Variants in ANO3 observed in about 807,000 individuals in gnomAD.
ANO3 encodes the protein anoctamin 3, also known as anoctamin-3.
A neutral mutation model predicts 144.8 loss-of-function variants in ANO3; 99 were observed. That is an observed-to-expected ratio of 0.68 (90% CI 0.58 to 0.81). ANO3 has a LOEUF of 0.81. Among genes scored for constraint, ANO3 ranks in the 30% least tolerant of loss-of-function variants. ANO3 has a pLI of 0.00. For missense variants in ANO3, 905 were observed against 1,202.2 expected, an observed-to-expected ratio of 0.75 and a Z score of 3.66; for synonymous variants, 414 against 392.6, an observed-to-expected ratio of 1.05 and a Z score of -0.64.
rs897710587 is a variant in ANO3 at position 26,661,356 on chromosome 11, T to A, written c.*912T>A. On this transcript the variant is annotated 3_prime_UTR_variant, in exon 27 of 27. Coordinates refer to ENST00000256737, the MANE Select transcript of ANO3 (RefSeq NM_031418.4). ...ATTAACTTGAAATGCTGTAAATACG[T>A]TGGTTTTCCTTGTCCCTTTGCACCT... 1.3e-5 allele frequency: 2 copies of A among 152,558 alleles called. No individual in the cohort carries two copies. Among genetic ancestry groups the A allele is most frequent in the Admixed American group, 1.3e-4 (2 of 15,248 alleles). 9.5% of individuals were successfully genotyped at this position (152,558 alleles called of 1,614,324 possible).
chr11:26,481,747 T>A (rs926543766), intron 4 of ANO3, among the ~76,000 whole-genome samples: 2 of 152,186 alleles, frequency 1.3e-5, no homozygotes, highest in African/African-American at 4.8e-5. Context: ...AGAATGTCTA[T>A]AAACAAATTA....
At chr11:26,251,311 A>G (rs779870970) in intron 1 of ANO3, among the ~76,000 whole-genome samples, 2 of 152,196 alleles carry the variant, frequency 1.3e-5, no homozygotes, top group Non-Finnish European at 2.9e-5. Flanking sequence ...CAGACTCTGG[A>G]TCAAAGCTGA....
At chr11:26,568,888 G>A (rs1252775167) in intron 14 of ANO3, among the ~76,000 whole-genome samples, 1 of 152,000 alleles carries the variant, frequency 6.6e-6, no homozygotes, top group African/African-American at 2.4e-5. Context: ...TCTACGGCAT[G>A]TGATCTAATT....
chr11:26,594,600 G>A (rs545142061), intron 14 of ANO3, among the ~76,000 whole-genome samples: 8 of 152,172 alleles, frequency 5.3e-5, no homozygotes, highest in Non-Finnish European at 1.0e-4. Flanking sequence ...GGGCGTAATC[G>A]GGTAATACTG....
In ANO3 at chr11:26,332,231, C is replaced by T. The variant is rs748724359; in HGVS notation, c.-45C>T. 1.2e-6 allele frequency: 2 copies of T among 1,614,076 alleles called. No individual in the cohort carries two copies. Among genetic ancestry groups the T allele is most frequent in the South Asian group, 2.2e-5 (2 of 91,074 alleles). On this transcript the variant is annotated 5_prime_UTR_variant, in exon 1 of 27. Transcript: ENST00000256737. ...AGTCTGGCTACTGTTCCTCCGCCTC[C>T]CTCTCGGGCAGCTCCCTAAGCCGGC... is the stretch of plus-strand genomic sequence containing the variant.
intron 10 of ANO3, 126 bp downstream of exon 10, chr11:26,537,587 C>T (rs1849543730): frequency 1.3e-6 from 1 of 786,488 alleles, no homozygotes; most frequent in South Asian, 1.5e-5. Context: ...AGCCATGGGC[C>T]TTCTGTCTCC....
chr11:26,312,955 G>T (rs929548971), intron 1 of ANO3, among the ~76,000 whole-genome samples: 1 of 152,096 alleles, frequency 6.6e-6, no homozygotes, highest in Non-Finnish European at 1.5e-5. Flanking sequence ...TCCATCATTT[G>T]CTTTGGAAAT....
chr11:26,270,425 C>A (rs1853414794), intron 1 of ANO3, among the ~76,000 whole-genome samples: 1 of 152,198 alleles, frequency 6.6e-6, no homozygotes, highest in South Asian at 2.1e-4. Flanking sequence ...GTGATAAACT[C>A]TTTTCTCCTG....
intron 1 of ANO3, among the ~76,000 whole-genome samples, chr11:26,391,502 A>G (rs1856877933): frequency 6.6e-6 from 1 of 152,130 alleles, no homozygotes; most frequent in Admixed American, 6.6e-5. Flanking sequence ...TGATCCTTTA[A>G]GAGTCAAGGG....
At chr11:26,595,186 T>A (rs997104474) in intron 14 of ANO3, among the ~76,000 whole-genome samples, 2 of 152,186 alleles carry the variant, frequency 1.3e-5, no homozygotes, top group Non-Finnish European at 2.9e-5. Context: ...ATCGGATTAG[T>A]TACACTCACC....
intron 1 of ANO3, among the ~76,000 whole-genome samples, chr11:26,215,536 G>A (rs1020645594): frequency 9.2e-5 from 14 of 151,578 alleles, no homozygotes; most frequent in African/African-American, 2.7e-4. Context: ...TTTCTTCCCC[G>A]ATCCACAATG....
intron 1 of ANO3, among the ~76,000 whole-genome samples, chr11:26,243,850 G>A (rs538954294): frequency 2.7e-4 from 41 of 152,104 alleles, no homozygotes; most frequent in African/African-American, 8.4e-4. Context: ...GGCCAGGTGC[G>A]GTGTCACGCC....
chr11:26,344,107 A>G (rs541594881), intron 1 of ANO3, among the ~76,000 whole-genome samples: 22 of 152,318 alleles, frequency 1.4e-4, no homozygotes, highest in African/African-American at 4.8e-4. Context: ...TTTCTTATAT[A>G]GCAGTAGTAA....
chr11:26,532,977 GA>G (rs1849411807), intron 8 of ANO3, among the ~76,000 whole-genome samples: 2 of 152,156 alleles, frequency 1.3e-5, no homozygotes, highest in African/African-American at 4.8e-5. Flanking sequence ...CTTGTTGAGG[GA>G]ATGCTGAATC....
At chr11:26,555,062 G>A (rs1388393828) in intron 13 of ANO3, among the ~76,000 whole-genome samples, 1 of 152,114 alleles carries the variant, frequency 6.6e-6, no homozygotes. Flanking sequence ...ACATAACTTA[G>A]TAAAGTTAGT....
Position 26,350,086 on chromosome 11 carries a change from A to G in ANO3, c.46+17765A>G, listed in dbSNP as rs536291310. Among the ~76,000 whole-genome samples, 237 of 152,072 alleles carry G rather than the reference A, an allele frequency of 1.6e-3. 2 individuals are homozygous for G. Among genetic ancestry groups the G allele is most frequent in the African/African-American group, 5.5e-3 (230 of 41,514 alleles). ...GGGAGGAGACAGGAACGGAAGGGGG[A>G]GAAGAAAGAAACAGATCTATGTGGA... On this transcript the variant is annotated intron_variant, in intron 1 of 26. Coordinates refer to ENST00000256737, the MANE Select transcript of ANO3 (RefSeq NM_031418.4).
intron 14 of ANO3, among the ~76,000 whole-genome samples, chr11:26,577,607 A>G (rs376306074): frequency 6.6e-6 from 1 of 151,840 alleles, no homozygotes. Context: ...GTATTACAGC[A>G]TGGCAGCCTC....
At chr11:26,272,734 C>T (rs1352309472) in intron 1 of ANO3, among the ~76,000 whole-genome samples, 1 of 152,126 alleles carries the variant, frequency 6.6e-6, no homozygotes, top group African/African-American at 2.4e-5. Flanking sequence ...TATCTATCTG[C>T]CTGCACAGGT....
chr11:26,495,329 C>T (rs1425754774), intron 4 of ANO3, among the ~76,000 whole-genome samples: 2 of 147,142 alleles, frequency 1.4e-5, no homozygotes, highest in Admixed American at 1.4e-4. Context: ...AGGCTTGTCT[C>T]GAACTCCTGG....
Sources: allele counts gnomAD v4.1 joint callset (sites outside exome capture counted in the v4.1 genomes callset), GRCh38; gene constraint gnomAD v4.1.1; transcripts MANE v1.5; gene names NCBI Gene and HGNC (gene_info 2026-07-23, HGNC 2026-07-21).